Variants in SH3D21 observed in about 807,000 individuals in gnomAD.
SH3D21 encodes manchette microtubule inner protein 1, also known as SH3 domain-containing protein 21.
In SH3D21, 83 loss-of-function variants were observed where a neutral mutation model predicts 82.1. That is an observed-to-expected ratio of 1.01 (90% CI 0.85 to 1.21). SH3D21 has a LOEUF of 1.21. Ranked by LOEUF, SH3D21 falls within the 50% of genes most tolerant of loss-of-function variation. The pLI, the probability that SH3D21 is intolerant of heterozygous loss-of-function variation, is 0.00. For synonymous variants in SH3D21, 383 were observed against 387.8 expected (o/e 0.99, Z 0.15); for missense variants, 980 against 962.1 (o/e 1.02, Z -0.25).
downstream of SH3D21, chr1:36,324,551 G>A (rs1485673652): frequency 6.6e-6 from 1 of 152,270 alleles, no homozygotes; most frequent in Non-Finnish European, 1.5e-5. Context: ...GAGGAGGAAA[G>A]GGGGAGAGGA....
intron 13 of SH3D21, 21 bp from the exon 14 acceptor site, chr1:36,319,654 C>T (rs1294790398): frequency 6.4e-7 from 1 of 1,563,116 alleles, no homozygotes; most frequent in African/African-American, 1.4e-5. Context: ...TCAGCTGAGA[C>T]TTCACCTCCC....
rs2358729 is a variant in SH3D21 at position 36,320,252 on chromosome 1, C to G, written c.1589C>G (p.Ala530Gly). The G allele has an allele frequency of 6.2e-7, 1 of 1,612,872 alleles. No homozygotes were observed. Among genetic ancestry groups the G allele is most frequent in the South Asian group, 1.1e-5 (1 of 91,062 alleles). ...GAGGATCCATCATCCCAGGAGGAGG[C>G]CCACACGCCAGAGGCACCCCCACCC... is the stretch of plus-strand genomic sequence containing the variant. ...AKEDPSSQEE[A>G]HTPEAPPPQP... is the part of the protein sequence containing the mutation. The change falls in exon 14 of 16, where the codon GCC (alanine) becomes GGC (glycine). Residue 530 changes from alanine to glycine, a missense_variant. Ala to Gly is a moderately conservative substitution (Grantham distance 60). Transcript: ENST00000453908.
At chr1:36,308,602 C>G in intron 9 of SH3D21, 127 bp downstream of exon 9, 1 of 689,842 alleles carries the variant, frequency 1.4e-6, no homozygotes, top group East Asian at 2.7e-5. Context: ...CATGTGGGGG[C>G]TCCTTTTGGA....
At chr1:36,322,363 G>A (rs1646478412), downstream of SH3D21, 1 of 1,588,292 alleles carries the variant, frequency 6.3e-7, no homozygotes, top group African/African-American at 1.3e-5. Context: ...CCTGTGCCCA[G>A]CAGGTCCGGC....
At chr1:36,315,658 A>AT (rs1027546067) in intron 10 of SH3D21, among the ~76,000 whole-genome samples, 16 of 152,010 alleles carry the variant, frequency 1.1e-4, no homozygotes, top group Non-Finnish European at 5.9e-5. Flanking sequence ...CTGTTGGATC[A>AT]TTTTTGTCCA....
rs377346424 is a variant in SH3D21 at position 36,320,805 on chromosome 1, G to C, written c.2135+7G>C. On this transcript the variant is annotated splice_region_variant and intron_variant, in intron 14 of 15. Transcript: ENST00000453908. ...TGATGGAGGTGCAGCTGGAGTGAGT[G>C]GGCAGTGGCGGGGGTTGTGGAAGGT... is the stretch of plus-strand genomic sequence containing the variant. The C allele has an allele frequency of 6.4e-7, 1 of 1,557,994 alleles. No individual in the cohort carries two copies. The highest frequency in any genetic ancestry group is 1.4e-5 in the African/African-American group (1 of 73,382).
chr1:36,307,132 C>T lies in SH3D21; in HGVS notation c.227-35C>T. The stretch of plus-strand genomic sequence containing the variant: ...CCCCCAGCTCCTCTGACTGGGGCGT[C>T]CGACTGGAGCTCAGCCGCGCTTGTC... On this transcript the variant is annotated intron_variant, in intron 3 of 15. Coordinates refer to ENST00000453908, the MANE Select transcript of SH3D21 (RefSeq NM_001162530.2). This position sits in a 1 kb window ranked among gnomAD's most constrained non-coding sequence, Gnocchi z 5.4. The T allele has an allele frequency of 1.3e-6, 2 of 1,550,474 alleles. No homozygotes were observed. The highest frequency in any genetic ancestry group is 4.9e-5 in the East Asian group (2 of 40,882).
chr1:36,318,898 A>AAATAATAATAATAATAAT (rs58567392), intron 10 of SH3D21, among the ~76,000 whole-genome samples, 173 bp from the exon 11 acceptor site: 9 of 140,412 alleles, frequency 6.4e-5, no homozygotes, highest in African/African-American at 2.1e-4. Flanking sequence ...ACTCCATCTC[A>AAATAATAATAATAATAAT]AATAATAATA....
At chr1:36,322,405 G>A (rs1323975862), downstream of SH3D21, 7 of 1,600,186 alleles carry the variant, frequency 4.4e-6, no homozygotes, top group Non-Finnish European at 5.9e-6. Context: ...CGCAGGATCC[G>A]TTCGCGCTCC....
Position 36,306,838 on chromosome 1 carries a change from C to A in SH3D21, c.163-4C>A. The A allele has an allele frequency of 7.7e-7, 1 of 1,296,200 alleles. No homozygotes were observed. Among genetic ancestry groups the A allele is most frequent in the Non-Finnish European group, 1.0e-6 (1 of 990,166 alleles). The allele number at this position is 1,296,200 out of a possible 1,614,324, so 80.3% of individuals were successfully genotyped here. On this transcript the variant is annotated splice_polypyrimidine_tract_variant and splice_region_variant and intron_variant, in intron 2 of 15. Coordinates refer to ENST00000453908, the MANE Select transcript of SH3D21 (RefSeq NM_001162530.2). This position sits in a 1 kb window ranked among gnomAD's most constrained non-coding sequence, Gnocchi z 4.5. Reference sequence around the variant, plus strand: ...GAGCGCCTTCCCCGTGCCCTGATTCCCAGGAGATCCCAGAGACCCTGCGGG... The same window carrying A: ...GAGCGCCTTCCCCGTGCCCTGATTCACAGGAGATCCCAGAGACCCTGCGGG...
At chr1:36,312,895 G>T (rs1196976153) in intron 10 of SH3D21, among the ~76,000 whole-genome samples, 2 of 152,000 alleles carry the variant, frequency 1.3e-5, no homozygotes, top group African/African-American at 4.8e-5. Context: ...TGTATTTTTA[G>T]TAGAGACAGG....
chr1:36,328,458 C>A (rs1646565324), downstream of SH3D21: 1 of 299,202 alleles, frequency 3.3e-6, no homozygotes. Flanking sequence ...AAAGAGGGTA[C>A]TGGCAAAAAT....
chr1:36,319,190 AAGG>A (rs1309527843), intron 11 of SH3D21, 26 bp downstream of exon 11: 2 of 1,549,914 alleles, frequency 1.3e-6, no homozygotes, highest in Non-Finnish European at 1.7e-6. Context: ...GGGTTGGGGG[AAGG>A]AGGAGGGTAG....
chr1:36,322,591 G>C, downstream of SH3D21: 1 of 1,567,472 alleles, frequency 6.4e-7, no homozygotes, highest in Non-Finnish European at 8.6e-7. Flanking sequence ...CTGCTGCGGG[G>C]GTCCCGGCGC....
In SH3D21 at chr1:36,321,021, C is replaced by G; in HGVS notation, c.2200-35C>G. ...GCGGGAGGGGGCTGACGGCGAGTGG[C>G]CCCCTGACAAAGTCTCCACCTCACT... On this transcript the variant is annotated intron_variant, in intron 15 of 15. Transcript: ENST00000453908. This position sits in a 1 kb window ranked among gnomAD's most constrained non-coding sequence, Gnocchi z 6.1. 6.3e-7 allele frequency: 1 copy of G among 1,592,598 alleles called. No homozygotes were observed. The highest frequency in any genetic ancestry group is 8.5e-7 in the Non-Finnish European group (1 of 1,170,184).
Position 36,321,075 on chromosome 1 carries a change from C to T in SH3D21, c.2219C>T (p.Thr740Ile). ...GACCAGGTCCAGGTGATGCAGGGGA[C>T]CCAGAAGTCCCAGACCCCGCGCGTC... Reference protein sequence around the residue: ...RRLEVQVMQGTQKSQTPRVIH... With the variant: ...RRLEVQVMQGIQKSQTPRVIH... Residue 740 changes from threonine (T) to isoleucine (I), a missense_variant, in exon 16 of 16, where the codon ACC becomes ATC. Physicochemically the swap from Thr to Ile is moderately conservative, Grantham distance 89 (BLOSUM62 -1). Coordinates refer to ENST00000453908, the MANE Select transcript of SH3D21 (RefSeq NM_001162530.2). The surrounding 1 kb of genome is among the most constrained non-coding windows in gnomAD (Gnocchi z 6.1). 2 of 1,612,194 alleles carry T rather than the reference C, an allele frequency of 1.2e-6. No individual in the cohort carries two copies. Among genetic ancestry groups the T allele is most frequent in the Non-Finnish European group, 1.7e-6 (2 of 1,179,428 alleles).
downstream of SH3D21, chr1:36,321,478 G>GC: frequency 2.1e-6 from 2 of 932,528 alleles, no homozygotes; most frequent in Non-Finnish European, 2.8e-6. This position sits in a 1 kb window ranked among gnomAD's most constrained non-coding sequence, Gnocchi z 6.1. Context: ...GGCTCTTGAC[G>GC]CCCGGCCTAG....
downstream of SH3D21, chr1:36,321,986 C>T (rs1056599963): frequency 1.7e-6 from 2 of 1,192,230 alleles, no homozygotes; most frequent in Non-Finnish European, 2.1e-6. The surrounding 1 kb of genome is among the most constrained non-coding windows in gnomAD (Gnocchi z 6.1). Flanking sequence ...GTGGCAGGAG[C>T]CTGGGGGTCG....
intron 9 of SH3D21, among the ~76,000 whole-genome samples, chr1:36,308,957 GAA>G (rs879529577): frequency 1.6e-5 from 2 of 122,898 alleles, no homozygotes; most frequent in African/African-American, 3.0e-5. Flanking sequence ...ATCTCAAAAA[GAA>G]AAAAAAAAAA....
Sources: allele counts gnomAD v4.1 joint callset (sites outside exome capture counted in the v4.1 genomes callset), GRCh38; gene constraint gnomAD v4.1.1; non-coding constraint Gnocchi (gnomAD v3.1); transcripts MANE v1.5; gene names NCBI Gene and HGNC (gene_info 2026-07-23, HGNC 2026-07-21).